SMOC1: variants seen among roughly 807,000 people sequenced by gnomAD.
SMOC1 encodes the protein SPARC related modular calcium binding 1.
In SMOC1, 22 loss-of-function variants were observed where a neutral mutation model predicts 56.3. The observed-to-expected ratio is 0.39, with a 90% CI of 0.28 to 0.56. The LOEUF (loss-of-function observed/expected upper bound fraction) is 0.56, where lower values mean the gene tolerates loss of function less well. Ranked by LOEUF, SMOC1 falls within the 20% of genes least tolerant of loss-of-function variation. The probability of loss-of-function intolerance (pLI) is 0.61; values close to 1 mark genes in which losing one functional copy is unlikely to be tolerated. For synonymous variants in SMOC1, 193 were observed against 215.0 expected, an observed-to-expected ratio of 0.90 and a Z score of 0.89; for missense variants, 509 against 565.4, an observed-to-expected ratio of 0.90 and a Z score of 1.01.
At chr14:70,015,599 T>G (rs1282145096) in intron 10 of SMOC1, among the ~76,000 whole-genome samples, 1 of 152,102 alleles carries the variant, frequency 6.6e-6, no homozygotes, top group African/African-American at 2.4e-5. Context: ...GTGGCTCTGT[T>G]TCTGCCGCCC....
At chr14:69,979,689 T>G (rs1322090129) in intron 5 of SMOC1, among the ~76,000 whole-genome samples, 1 of 152,130 alleles carries the variant, frequency 6.6e-6, no homozygotes, top group Non-Finnish European at 1.5e-5. Flanking sequence ...TGCCTCAAAC[T>G]CCTGGGCTCA....
intron 11 of SMOC1, 25 bp downstream of exon 11, chr14:70,023,472 G>A: frequency 6.2e-7 from 1 of 1,613,758 alleles, no homozygotes. Context: ...CTGTGCTCCT[G>A]GCCTTTCAAT....
intron 1 of SMOC1, among the ~76,000 whole-genome samples, chr14:69,929,034 C>G (rs1365091216): frequency 6.6e-6 from 1 of 152,206 alleles, no homozygotes; most frequent in African/African-American, 2.4e-5. Flanking sequence ...AGGAAGGTCT[C>G]TTCCAGGAGC....
chr14:69,978,164 G>C (rs1594834845), intron 5 of SMOC1, 199 bp downstream of exon 5: 1 of 632,508 alleles, frequency 1.6e-6, no homozygotes, highest in East Asian at 2.8e-5. Context: ...CAAGCTCCCA[G>C]ATTTCCCAAG....
In SMOC1 at chr14:69,974,003, G is replaced by A. The variant is rs556240881; in HGVS notation, c.379-1712G>A. Among the ~76,000 whole-genome samples the A allele has an allele frequency of 1.6e-4, 24 of 152,324 alleles. 1 individual carries two copies. In the East Asian group the frequency reaches 4.6e-3, roughly 29 times the overall value. On this transcript the variant is annotated intron_variant, in intron 3 of 11. Coordinates refer to ENST00000361956, the MANE Select transcript of SMOC1 (RefSeq NM_001034852.3). Reference sequence around the variant, plus strand: ...CTTGTAATTGAGATCTACATTTAATGTAGTGGGGTTGTTTAAATTGACATT... The same window carrying A: ...CTTGTAATTGAGATCTACATTTAATATAGTGGGGTTGTTTAAATTGACATT...
At chr14:69,976,242 A>G (rs1021112720) in intron 4 of SMOC1, among the ~76,000 whole-genome samples, 9 of 152,338 alleles carry the variant, frequency 5.9e-5, no homozygotes, top group Non-Finnish European at 1.2e-4. Flanking sequence ...GGAGAGAAGA[A>G]TGGTGGCTTC....
At position 69,952,213 on chromosome 14, in the gene SMOC1, G is replaced by A; in HGVS notation, c.175G>A (p.Asp59Asn). 1 of 1,614,160 alleles carries A rather than the reference G, an allele frequency of 6.2e-7. No homozygotes were observed. Among genetic ancestry groups the A allele is most frequent in the Non-Finnish European group, 8.5e-7 (1 of 1,180,024 alleles). ...TCAACCCAAACCCATCTGTGCCTCT[G>A]ATGGCAGGTCCTACGAGTCCATGTG... is the stretch of plus-strand genomic sequence containing the variant. ...RTQPKPICAS[D>N]GRSYESMCEY... Residue 59 changes from aspartate to asparagine, a missense_variant, in exon 2 of 12, where the codon GAT becomes AAT. Around this residue, in one of 3 missense-constraint regions of SMOC1, gnomAD observed 315 missense variants for 333.1 expected, o/e 0.95. Coordinates refer to ENST00000361956, the MANE Select transcript of SMOC1 (RefSeq NM_001034852.3).
At chr14:69,903,611 C>T (rs79197330) in intron 1 of SMOC1, among the ~76,000 whole-genome samples, 7 of 151,992 alleles carry the variant, frequency 4.6e-5, no homozygotes, top group South Asian at 2.1e-4. Context: ...ACCCCCAACC[C>T]GGTGCTCTCT....
intron 1 of SMOC1, among the ~76,000 whole-genome samples, chr14:69,933,328 T>A (rs868798462): frequency 3.3e-5 from 5 of 151,870 alleles, no homozygotes; most frequent in Middle Eastern, 3.2e-3. Context: ...TCATTATTTT[T>A]AAAAATTCAT....
intron 11 of SMOC1, among the ~76,000 whole-genome samples, chr14:70,028,167 C>G (rs543348681): frequency 2.0e-5 from 3 of 152,216 alleles, no homozygotes; most frequent in Non-Finnish European, 2.9e-5. Context: ...GAGCTGAATT[C>G]TCTGCATAAC....
At chr14:70,023,583 A>C in intron 11 of SMOC1, 136 bp downstream of exon 11, 1 of 1,289,716 alleles carries the variant, frequency 7.8e-7, no homozygotes, top group East Asian at 2.3e-5. Context: ...GCTATGCTTC[A>C]TGCTAGATGT....
intron 1 of SMOC1, among the ~76,000 whole-genome samples, chr14:69,903,542 A>G (rs565496633): frequency 1.3e-5 from 2 of 152,228 alleles, no homozygotes; most frequent in Non-Finnish European, 2.9e-5. Flanking sequence ...AGGAGACTCC[A>G]TTTTGTTCTG....
intron 1 of SMOC1, among the ~76,000 whole-genome samples, chr14:69,943,424 G>A (rs112522235): frequency 4.7e-4 from 71 of 152,208 alleles, no homozygotes; most frequent in African/African-American, 1.6e-3. Flanking sequence ...GGCAGATATA[G>A]GGATGTGGAT....
chr14:69,971,419 C>T (rs931084356), intron 3 of SMOC1, among the ~76,000 whole-genome samples: 1 of 152,150 alleles, frequency 6.6e-6, no homozygotes, highest in African/African-American at 2.4e-5. Context: ...AAGGAGGAGC[C>T]ATCTGTTGAC....
At chr14:69,927,308 CT>C (rs1885036258) in intron 1 of SMOC1, among the ~76,000 whole-genome samples, 1 of 152,220 alleles carries the variant, frequency 6.6e-6, no homozygotes, top group Non-Finnish European at 1.5e-5. Flanking sequence ...GTGCTGGGGC[CT>C]ACAAGTGCTG....
chr14:69,956,992 C>T (rs1348119485), intron 3 of SMOC1, among the ~76,000 whole-genome samples: 2 of 152,100 alleles, frequency 1.3e-5, no homozygotes, highest in South Asian at 2.1e-4. Flanking sequence ...CTCTGTTTCT[C>T]GATTGCATCC....
At chr14:69,964,379 T>C (rs1054374916) in intron 3 of SMOC1, among the ~76,000 whole-genome samples, 2 of 116,478 alleles carry the variant, frequency 1.7e-5, no homozygotes, top group African/African-American at 6.7e-5. Context: ...TCTCTGGTAT[T>C]CTTTTTTTTT....
chr14:69,994,356 T>C (rs1321138019), intron 6 of SMOC1, 44 bp from the exon 7 acceptor site: 1 of 1,478,588 alleles, frequency 6.8e-7, no homozygotes, highest in Non-Finnish European at 9.5e-7. Flanking sequence ...ACTCACATAG[T>C]CTCTTTGCCC....
At chr14:69,984,838 C>G (rs1379597570) in intron 5 of SMOC1, among the ~76,000 whole-genome samples, 3 of 151,180 alleles carry the variant, frequency 2.0e-5, no homozygotes, top group Non-Finnish European at 4.4e-5. Context: ...GCCTGGATGA[C>G]AGAGCGAGAC....
Sources: allele counts gnomAD v4.1 joint callset (sites outside exome capture counted in the v4.1 genomes callset), GRCh38; gene constraint gnomAD v4.1.1; regional missense constraint gnomAD v4.1.1; transcripts MANE v1.5; gene names NCBI Gene and HGNC (gene_info 2026-07-23, HGNC 2026-07-21).